NOC3L: variants seen among roughly 807,000 people sequenced by gnomAD.
NOC3L encodes the protein nucleolar complex protein 3 homolog.
Under a neutral mutation model 102.5 loss-of-function variants are expected in NOC3L, and 85 were observed. That is an observed-to-expected ratio of 0.83 (90% CI 0.70 to 0.99). NOC3L has a LOEUF of 0.99. Ranked by LOEUF, NOC3L falls within the 50% of genes least tolerant of loss-of-function variation. The probability of loss-of-function intolerance (pLI) is 0.00; values close to 1 mark genes in which losing one functional copy is unlikely to be tolerated. For missense variants in NOC3L, 878 were observed against 914.9 expected, an observed-to-expected ratio of 0.96 and a Z score of 0.52; for synonymous variants, 303 against 309.4, an observed-to-expected ratio of 0.98 and a Z score of 0.22.
intron 14 of NOC3L, among the ~76,000 whole-genome samples, chr10:94,340,756 C>T (rs915729708): frequency 6.6e-5 from 10 of 151,920 alleles, no homozygotes; most frequent in African/African-American, 2.4e-4. Flanking sequence ...CCGAGGCGGG[C>T]AGATCACGAG....
chr10:94,349,445 CAG>C, intron 9 of NOC3L, 67 bp from the exon 10 acceptor site: 1 of 1,439,482 alleles, frequency 6.9e-7, no homozygotes, highest in African/African-American at 1.5e-5. Context: ...TTTTGGGTAA[CAG>C]AATTCTTTGT....
At position 94,362,909 on chromosome 10, in the gene NOC3L, A is replaced by T. The variant is rs916918346; in HGVS notation, c.-71T>A. 1.9e-6 allele frequency: 3 copies of T among 1,612,842 alleles called. No homozygotes were observed. The African/African-American group carries it at 4.0e-5, about 22-fold the overall frequency. On this transcript the variant is annotated 5_prime_UTR_variant, in exon 1 of 21. Coordinates refer to ENST00000371361, the MANE Select transcript of NOC3L (RefSeq NM_022451.11). ...AGGGTTACTACAGAAATCCCGGGGA[A>T]TGACACACGTGCCGAAGTCCCTACA...
chr10:94,336,828 G>A (rs1283610977), intron 19 of NOC3L, among the ~76,000 whole-genome samples: 1 of 151,684 alleles, frequency 6.6e-6, no homozygotes, highest in Non-Finnish European at 1.5e-5. Context: ...CAACACTTTA[G>A]GAGGCCAAGG....
Position 94,340,492 on chromosome 10 carries a change from A to G in NOC3L, c.1649T>C (p.Leu550Pro). Reference protein sequence around the residue: ...VLHTLIESGDLSYQESLHCVQ... With the variant: ...VLHTLIESGDPSYQESLHCVQ... ...ACAGTGAAGACTTTCTTGATAGCTT[A>G]GGTCCTTTAAAAAAAAAAGGGGGGG... The change falls in exon 15 of 21, where the codon CTA (leucine) becomes CCA (proline). Residue 550 changes from leucine to proline, a missense_variant. Physicochemically the swap from Leu to Pro is moderately conservative, Grantham distance 98 (BLOSUM62 -3). Coordinates refer to ENST00000371361, the MANE Select transcript of NOC3L (RefSeq NM_022451.11). 1 of 883,058 alleles carries G rather than the reference A, an allele frequency of 1.1e-6. No homozygotes were observed. The highest frequency in any genetic ancestry group is 1.7e-6 in the Non-Finnish European group (1 of 585,664). 54.7% of individuals were successfully genotyped at this position (883,058 alleles called of 1,614,324 possible).
downstream of NOC3L, chr10:94,331,371 CT>C (rs2133972218): frequency 6.6e-6 from 1 of 152,230 alleles, no homozygotes; most frequent in East Asian, 1.9e-4. Context: ...TCTCTATAGA[CT>C]TCTGTCCTCT....
the NOC3L span, chr10:94,316,486 G>C: frequency 9.5e-7 from 1 of 1,049,492 alleles, no homozygotes; most frequent in Non-Finnish European, 1.5e-6. Context: ...TGAACACCAT[G>C]AAAGTTGATT....
chr10:94,349,155 C>T, intron 10 of NOC3L, 95 bp downstream of exon 10: 1 of 1,374,026 alleles, frequency 7.3e-7, no homozygotes, highest in Non-Finnish European at 9.8e-7. Context: ...ATACTTTTTA[C>T]TTCATACACT....
the NOC3L span, chr10:94,316,637 T>G: frequency 6.2e-7 from 1 of 1,610,218 alleles, no homozygotes; most frequent in Non-Finnish European, 8.5e-7. Flanking sequence ...AAAGAATGAA[T>G]GTAGGAAACA....
In NOC3L at chr10:94,362,926, G is replaced by A. The variant is rs2054568813; in HGVS notation, c.-88C>T. 2.2e-5 allele frequency: 36 copies of A among 1,601,982 alleles called. No individual in the cohort carries two copies. The East Asian group carries it at 7.4e-4, about 33-fold the overall frequency. ...CCCGGGGAATGACACACGTGCCGAA[G>A]TCCCTACACTACCAGAGCCGGAAAC... On this transcript the variant is annotated 5_prime_UTR_variant, in exon 1 of 21. Transcript: ENST00000371361.
chr10:94,324,219 A>C, the NOC3L span: 8 of 787,958 alleles, frequency 1.0e-5, no homozygotes, highest in Non-Finnish European at 1.8e-5. Flanking sequence ...AATGAGTTGG[A>C]TGAAATGATC....
downstream of NOC3L, chr10:94,330,394 A>G (rs1472913436): frequency 2.0e-5 from 3 of 152,204 alleles, no homozygotes; most frequent in Non-Finnish European, 2.9e-5. Flanking sequence ...AAATGTAAAG[A>G]GTTGGCTGGG....
At chr10:94,356,687 T>TA (rs1249405078) in intron 4 of NOC3L, 96 bp from the exon 5 acceptor site, 2 of 758,298 alleles carry the variant, frequency 2.6e-6, no homozygotes, top group Non-Finnish European at 4.5e-6. Flanking sequence ...AAACTCAGGA[T>TA]AGCAGTTACT....
rs367748201 is a variant in NOC3L, at chr10:94,340,544, G to T, written c.1645-48C>A. The T allele has an allele frequency of 1.6e-5, 23 of 1,469,128 alleles. No individual in the cohort carries two copies. The East Asian group carries it at 2.5e-4, about 16-fold the overall frequency. The allele number at this position is 1,469,128 out of a possible 1,614,324, so 91.0% of individuals were successfully genotyped here. A position where few individuals can be genotyped will look rare whatever the true frequency, so the allele number is the denominator to read the frequency against. On this transcript the variant is annotated intron_variant, in intron 14 of 20. Transcript: ENST00000371361. Reference sequence around the variant, plus strand: ...TGAGGGGGATGGAATATTAAGAATGGTAATTGCCATTTATAGCTTTAAAAA... The same window carrying T: ...TGAGGGGGATGGAATATTAAGAATGTTAATTGCCATTTATAGCTTTAAAAA...
At chr10:94,348,440 A>G (rs1248164489) in intron 10 of NOC3L, among the ~76,000 whole-genome samples, 1 of 152,044 alleles carries the variant, frequency 6.6e-6, no homozygotes, top group Admixed American at 6.5e-5. Context: ...CTCCACAAAC[A>G]GATAGTTTCG....
At chr10:94,318,623 C>T in the NOC3L span, among the ~76,000 whole-genome samples, 1 of 152,180 alleles carries the variant, frequency 6.6e-6, no homozygotes, top group Non-Finnish European at 1.5e-5. Context: ...CCTTGTGGAT[C>T]ACCCACACTC....
the NOC3L span, among the ~76,000 whole-genome samples, chr10:94,319,249 T>C: frequency 6.6e-6 from 1 of 152,128 alleles, no homozygotes; most frequent in Non-Finnish European, 1.5e-5. Context: ...CTGAAATATA[T>C]CTCAAAAGAT....
Position 94,357,319 on chromosome 10 carries a change from A to G in NOC3L, c.363T>C (p.His121=), listed in dbSNP as rs2054499950. ...TGCGTTCATGCTTCCGTTTCTTCGC[A>G]TGAACAGGCTCACTGCAGGGGAAAA... ...TRDLSSSEPV[H]AKKRKHERII... Residue 121 remains histidine (H), a synonymous_variant, in exon 4 of 21, where the codon CAT becomes CAC. Transcript: ENST00000371361. 2.5e-6 allele frequency: 4 copies of G among 1,597,450 alleles called. No homozygotes were observed. The highest frequency in any genetic ancestry group is 2.7e-5 in the African/African-American group (2 of 74,064).
chr10:94,362,639 G>A (rs2054565021), intron 1 of NOC3L, among the ~76,000 whole-genome samples, 191 bp downstream of exon 1: 1 of 152,170 alleles, frequency 6.6e-6, no homozygotes, highest in African/African-American at 2.4e-5. Context: ...GTCTCTTCGT[G>A]ATACTCTGAA....
At chr10:94,344,600 A>C in intron 12 of NOC3L, 85 bp from the exon 13 acceptor site, 1 of 953,928 alleles carries the variant, frequency 1.0e-6, no homozygotes, top group Non-Finnish European at 1.6e-6. Flanking sequence ...TCAACAGGTT[A>C]ACTTTTTTCC....
Sources: allele counts gnomAD v4.1 joint callset (sites outside exome capture counted in the v4.1 genomes callset), GRCh38; gene constraint gnomAD v4.1.1; transcripts MANE v1.5; gene names NCBI Gene and HGNC (gene_info 2026-07-23, HGNC 2026-07-21).